STK3: variants seen among roughly 807,000 people sequenced by gnomAD.
STK3 encodes serine/threonine kinase 3, also known as serine/threonine-protein kinase 3.
A neutral mutation model predicts 58.0 loss-of-function variants in STK3; 41 were observed. The ratio of observed to expected loss-of-function variants is 0.71; its 90% CI spans 0.55 to 0.92. STK3 has a LOEUF of 0.92. Ranked by LOEUF, STK3 falls within the 40% of genes least tolerant of loss-of-function variation. STK3 has a pLI of 0.00. For missense variants in STK3, 479 were observed against 602.7 expected (o/e 0.79, Z 2.15); for synonymous variants, 170 against 191.0 (o/e 0.89, Z 0.91).
In STK3 at chr8:98,812,927, C is replaced by A. The variant is rs180831052; in HGVS notation, c.26+12588G>T. ...AGGAGGGATAGCATTAGGAGATATACCTAATGTAAATGACAAGTTAATGGG... is the reference window on the plus strand; with the variant it reads ...AGGAGGGATAGCATTAGGAGATATAACTAATGTAAATGACAAGTTAATGGG... On this transcript the variant is annotated intron_variant, in intron 1 of 10. Coordinates refer to ENST00000419617, the MANE Select transcript of STK3 (RefSeq NM_006281.4). Among the ~76,000 whole-genome samples, 170 of 151,888 alleles carry A rather than the reference C, an allele frequency of 1.1e-3. 6 individuals carry two copies. The East Asian group carries it at 0.023, about 20-fold the overall frequency.
At chr8:98,587,495 G>A (rs1010333034) in intron 7 of STK3, among the ~76,000 whole-genome samples, 1 of 152,090 alleles carries the variant, frequency 6.6e-6, no homozygotes, top group Non-Finnish European at 1.5e-5. Context: ...TTTTACATTT[G>A]CTGAGGAGAG....
intron 10 of STK3, among the ~76,000 whole-genome samples, chr8:98,474,637 G>C (rs1450391108): frequency 6.6e-6 from 1 of 152,166 alleles, no homozygotes; most frequent in Non-Finnish European, 1.5e-5. Context: ...TCTGTCTACT[G>C]AGAGTGTCCT....
chr8:98,686,653 C>T (rs1228516751), intron 6 of STK3, among the ~76,000 whole-genome samples: 1 of 151,990 alleles, frequency 6.6e-6, no homozygotes, highest in East Asian at 1.9e-4. Context: ...CAACAAGATC[C>T]AAGAGAAAGT....
chr8:98,357,534 C>T, the STK3 span, among the ~76,000 whole-genome samples: 1 of 152,192 alleles, frequency 6.6e-6, no homozygotes, highest in Non-Finnish European at 1.5e-5. Context: ...AAGGCTGGCA[C>T]TGGCACTGGA....
intron 4 of STK3, among the ~76,000 whole-genome samples, chr8:98,709,213 T>C (rs1375967114): frequency 3.9e-5 from 6 of 152,156 alleles, no homozygotes. Flanking sequence ...AAAATTGCTA[T>C]GAGGACAACA....
chr8:98,449,784 G>A (rs182459564), downstream of STK3, among the ~76,000 whole-genome samples: 10 of 152,268 alleles, frequency 6.6e-5, no homozygotes, highest in Non-Finnish European at 1.5e-4. Context: ...ATAGATTAAT[G>A]CCTTTCTCTT....
Position 98,940,692 on chromosome 8 carries a change from G to T in STK3, c.-79+1686C>A, listed in dbSNP as rs568023007. Among the ~76,000 whole-genome samples, 18 of 152,326 alleles carry T rather than the reference G, an allele frequency of 1.2e-4. No homozygotes were observed. The East Asian group carries it at 2.3e-3, about 20-fold the overall frequency. On this transcript the variant is annotated intron_variant, in intron 1 of 1. Transcript: ENST00000519420. The stretch of plus-strand genomic sequence containing the variant: ...CATCTCCCGCCCGGACAAGGTCCCC[G>T]GCCTTGGAATCTGCGCCGCCCCGCA...
intron 4 of STK3, among the ~76,000 whole-genome samples, chr8:98,708,665 T>A (rs1826149145): frequency 6.6e-6 from 1 of 152,184 alleles, no homozygotes; most frequent in African/African-American, 2.4e-5. Flanking sequence ...CATTCTCTCA[T>A]TTATTCTTAA....
chr8:98,655,021 T>C (rs543198102), intron 6 of STK3, among the ~76,000 whole-genome samples: 68 of 151,492 alleles, frequency 4.5e-4, no homozygotes, highest in Non-Finnish European at 6.2e-4. Flanking sequence ...GAGCCCGCAT[T>C]GCCAAGTCAA....
intron 4 of STK3, among the ~76,000 whole-genome samples, chr8:98,735,833 A>G (rs1828535123): frequency 6.6e-6 from 1 of 152,138 alleles, no homozygotes; most frequent in Admixed American, 6.5e-5. Flanking sequence ...CCACAACTTA[A>G]TTCTATGCCT....
intron 8 of STK3, among the ~76,000 whole-genome samples, chr8:98,574,602 A>G (rs771725522): frequency 3.3e-5 from 5 of 152,200 alleles, no homozygotes; most frequent in Non-Finnish European, 7.3e-5. Flanking sequence ...GTAAGCTGCA[A>G]TGAGATTTAT....
intron 10 of STK3, among the ~76,000 whole-genome samples, chr8:98,504,304 C>T (rs1177369009): frequency 6.6e-6 from 1 of 152,116 alleles, no homozygotes; most frequent in African/African-American, 2.4e-5. Context: ...AGATGGGTCT[C>T]CTGAATACAG....
intron 10 of STK3, among the ~76,000 whole-genome samples, chr8:98,470,435 T>A (rs1043275835): frequency 1.3e-5 from 2 of 152,210 alleles, no homozygotes; most frequent in African/African-American, 4.8e-5. Flanking sequence ...ATAGTCTTAA[T>A]CATTTTCTTT....
At chr8:98,347,302 C>G in the STK3 span, among the ~76,000 whole-genome samples, 1 of 151,818 alleles carries the variant, frequency 6.6e-6, no homozygotes, top group Non-Finnish European at 1.5e-5. Flanking sequence ...ATCACGAGGT[C>G]AGGAGATCAA....
Position 98,589,651 on chromosome 8 carries a change from G to C in STK3, c.822+6381C>G, listed in dbSNP as rs568015956. On this transcript the variant is annotated intron_variant, in intron 7 of 10. Transcript: ENST00000419617. ...CCAGTTCGAGCTTCCTGGCTGCTTT[G>C]TCTACTTAAGCAAGCCTGGGCAATG... 7.2e-4 allele frequency among the ~76,000 whole-genome samples: 109 copies of C among 152,360 alleles called. 1 individual carries two copies. Among genetic ancestry groups the C allele is most frequent in the African/African-American group, 2.6e-3 (108 of 41,580 alleles).
At chr8:98,521,536 A>G (rs1226954700) in intron 10 of STK3, among the ~76,000 whole-genome samples, 1 of 152,032 alleles carries the variant, frequency 6.6e-6, no homozygotes, top group Non-Finnish European at 1.5e-5. Context: ...CTTCAATATT[A>G]ATATTCTTAA....
At chr8:98,933,157 G>T (rs1240145893) in intron 1 of STK3, among the ~76,000 whole-genome samples, 1 of 152,168 alleles carries the variant, frequency 6.6e-6, no homozygotes, top group East Asian at 1.9e-4. Flanking sequence ...ATTCTAAAGA[G>T]TCAGCATGAG....
At chr8:98,780,035 T>C (rs905386864) in intron 1 of STK3, among the ~76,000 whole-genome samples, 6 of 152,008 alleles carry the variant, frequency 3.9e-5, no homozygotes, top group African/African-American at 1.4e-4. Flanking sequence ...TAAAAGTAGA[T>C]ATGCTGACAA....
intron 3 of STK3, among the ~76,000 whole-genome samples, chr8:98,877,523 G>A (rs890770364): frequency 2.6e-5 from 4 of 151,690 alleles, no homozygotes; most frequent in African/African-American, 4.8e-5. Context: ...CGCTCTTGTC[G>A]CCCAGGCTGG....
Sources: allele counts gnomAD v4.1 joint callset (sites outside exome capture counted in the v4.1 genomes callset), GRCh38; gene constraint gnomAD v4.1.1; transcripts MANE v1.5; gene names NCBI Gene and HGNC (gene_info 2026-07-23, HGNC 2026-07-21).